Variants in ACVR1C observed in about 807,000 individuals in gnomAD.
ACVR1C encodes activin receptor type-1C.
ACVR1C carries 23 observed loss-of-function variants against 57.9 expected under a neutral mutation model. The observed-to-expected ratio is 0.40, with a 90% CI of 0.29 to 0.56. ACVR1C has a LOEUF of 0.56. Among genes scored for constraint, ACVR1C ranks in the 20% least tolerant of loss-of-function variants. The pLI, the probability that ACVR1C is intolerant of heterozygous loss-of-function variation, is 0.50. For missense variants in ACVR1C, 480 were observed against 607.9 expected (o/e 0.79, Z 2.21); for synonymous variants, 214 against 215.3 (o/e 0.99, Z 0.05).
At chr2:157,545,821 C>T (rs1402968870) in intron 4 of ACVR1C, among the ~76,000 whole-genome samples, 1 of 152,130 alleles carries the variant, frequency 6.6e-6, no homozygotes, top group Non-Finnish European at 1.5e-5. Context: ...GTCGCTTAGG[C>T]TGGAGTGCAG....
At chr2:157,584,336 C>T (rs907911746) in intron 2 of ACVR1C, among the ~76,000 whole-genome samples, 3 of 152,048 alleles carry the variant, frequency 2.0e-5, no homozygotes, top group African/African-American at 7.2e-5. Flanking sequence ...GATCTCCCGA[C>T]CTTGTGATCC....
Position 157,528,786 on chromosome 2 carries a change from A to G in ACVR1C, c.*5132T>C, listed in dbSNP as rs1687291997. ...AAAAGCTAGAATACAAATAACAGCT[A>G]GTCTTTTTAGGTTTTAAAAGAAAAA... On this transcript the variant is annotated 3_prime_UTR_variant, in exon 9 of 9. Transcript: ENST00000243349. 6.6e-6 allele frequency: 1 copy of G among 152,208 alleles called. No individual in the cohort carries two copies. The highest frequency in any genetic ancestry group is 6.5e-5 in the Admixed American group (1 of 15,270). The allele number at this position is 152,208 out of a possible 1,614,324, so 9.4% of individuals were successfully genotyped here. A position where few individuals can be genotyped will look rare whatever the true frequency, so the allele number is the denominator to read the frequency against.
At chr2:157,561,034 G>A (rs1688220454) in intron 2 of ACVR1C, among the ~76,000 whole-genome samples, 1 of 152,168 alleles carries the variant, frequency 6.6e-6, no homozygotes, top group South Asian at 2.1e-4. Context: ...TAGAGGGAGT[G>A]AAGAGATATG....
intron 2 of ACVR1C, among the ~76,000 whole-genome samples, chr2:157,578,391 A>C (rs536831838): frequency 1.0e-3 from 156 of 152,158 alleles, no homozygotes; most frequent in South Asian, 3.3e-3. Flanking sequence ...GAACATTTTA[A>C]CTCCGTTGGC....
chr2:157,606,866 T>C (rs1198405821), intron 1 of ACVR1C, among the ~76,000 whole-genome samples: 1 of 151,882 alleles, frequency 6.6e-6, no homozygotes, highest in East Asian at 1.9e-4. Flanking sequence ...TTTCACAGTC[T>C]TAGCCATAAA....
At chr2:157,612,755 C>G (rs1211389882) in intron 1 of ACVR1C, among the ~76,000 whole-genome samples, 1 of 152,170 alleles carries the variant, frequency 6.6e-6, no homozygotes, top group African/African-American at 2.4e-5. Flanking sequence ...GACTAGAGTA[C>G]TAAGGAGCAC....
At chr2:157,615,712 T>A (rs992214685) in intron 1 of ACVR1C, among the ~76,000 whole-genome samples, 2 of 152,188 alleles carry the variant, frequency 1.3e-5, no homozygotes, top group African/African-American at 4.8e-5. Context: ...CTTCATGTAG[T>A]ATGGAATATT....
At chr2:157,574,655 C>A (rs7579202) in intron 2 of ACVR1C, among the ~76,000 whole-genome samples, 49,912 of 151,980 alleles carry the variant, frequency 0.33, 8,679 homozygotes, top group Non-Finnish European at 0.4. Context: ...TGCTTTGCTG[C>A]CTCTCTGGAT....
intron 2 of ACVR1C, among the ~76,000 whole-genome samples, chr2:157,573,450 G>A (rs1688571640): frequency 6.6e-6 from 1 of 151,914 alleles, no homozygotes; most frequent in Admixed American, 6.6e-5. Flanking sequence ...GAAATCTGGA[G>A]GGAAAAATCA....
chr2:157,620,720 A>C (rs1682754044), intron 1 of ACVR1C, among the ~76,000 whole-genome samples: 1 of 152,138 alleles, frequency 6.6e-6, no homozygotes, highest in Non-Finnish European at 1.5e-5. Context: ...CATATCCACC[A>C]CCTCAAACAT....
At chr2:157,546,800 T>C (rs1687765655) in intron 4 of ACVR1C, among the ~76,000 whole-genome samples, 2 of 151,818 alleles carry the variant, frequency 1.3e-5, no homozygotes. Context: ...TTATGAGTAC[T>C]TATTTTATTT....
chr2:157,611,419 G>A (rs1033133335), intron 1 of ACVR1C, among the ~76,000 whole-genome samples: 2 of 152,184 alleles, frequency 1.3e-5, no homozygotes, highest in Non-Finnish European at 2.9e-5. Context: ...GGTGGCAGCA[G>A]TGGGCTGAGC....
chr2:157,619,649 T>A (rs1322755338), intron 1 of ACVR1C, among the ~76,000 whole-genome samples: 1 of 151,974 alleles, frequency 6.6e-6, no homozygotes, highest in East Asian at 1.9e-4. Context: ...TCTGACCCTT[T>A]GAGAAAATGT....
intron 7 of ACVR1C, 114 bp downstream of exon 7, chr2:157,540,976 T>C: frequency 7.6e-7 from 1 of 1,309,056 alleles, no homozygotes; most frequent in Non-Finnish European, 1.0e-6. Context: ...GGTATTCTCT[T>C]AAATACTAAG....
Position 157,533,877 on chromosome 2 carries a change from A to G in ACVR1C, c.*41T>C. On this transcript the variant is annotated 3_prime_UTR_variant, in exon 9 of 9. Transcript: ENST00000243349. ...ATTCACATAAAGGGGAAAATGGAAA[A>G]GAAAGCTATGAGAGATTTCTTTTTA... 6.7e-7 allele frequency: 1 copy of G among 1,492,220 alleles called. No individual in the cohort carries two copies. Among genetic ancestry groups the G allele is most frequent in the Middle Eastern group, 1.8e-4 (1 of 5,574 alleles). The allele number at this position is 1,492,220 out of a possible 1,614,324, so 92.4% of individuals were successfully genotyped here.
Position 157,527,183 on chromosome 2 carries a change from C to T in ACVR1C, c.*6735G>A, listed in dbSNP as rs1268429183. ...GGAGTTTGAAATTCTCTTCACCTTC[C>T]ACATTTAAATTACAACTACTAAAAT... On this transcript the variant is annotated 3_prime_UTR_variant, in exon 9 of 9. Coordinates refer to ENST00000243349, the MANE Select transcript of ACVR1C (RefSeq NM_145259.3). The T allele has an allele frequency of 6.6e-6, 1 of 152,066 alleles. No individual in the cohort carries two copies. Among genetic ancestry groups the T allele is most frequent in the East Asian group, 1.9e-4 (1 of 5,200 alleles). The allele number at this position is 152,066 out of a possible 1,614,324, so 9.4% of individuals were successfully genotyped here. A position where few individuals can be genotyped will look rare whatever the true frequency, so the allele number is the denominator to read the frequency against.
intron 1 of ACVR1C, among the ~76,000 whole-genome samples, chr2:157,612,803 A>G (rs1682562816): frequency 6.6e-6 from 1 of 152,226 alleles, no homozygotes; most frequent in African/African-American, 2.4e-5. Flanking sequence ...GTGCCCCTGT[A>G]GCCCTTTAGC....
intron 1 of ACVR1C, among the ~76,000 whole-genome samples, chr2:157,615,957 G>T (rs1255794536): frequency 6.6e-6 from 1 of 152,164 alleles, no homozygotes; most frequent in Admixed American, 6.5e-5. Flanking sequence ...TCATCAGTTA[G>T]AATATGATGG....
intron 1 of ACVR1C, among the ~76,000 whole-genome samples, chr2:157,614,391 T>C (rs1443551057): frequency 2.0e-5 from 3 of 152,288 alleles, no homozygotes; most frequent in South Asian, 2.1e-4. Flanking sequence ...TTTTTAAAAA[T>C]GTATTAGGTT....
Sources: gnomAD v4.1 joint callset for allele counts (sites outside exome capture counted in the v4.1 genomes callset) on GRCh38, gnomAD v4.1.1 for gene constraint, MANE v1.5 for transcripts, NCBI Gene and HGNC (gene_info 2026-07-23, HGNC 2026-07-21) for gene names.